MSRB3: variants seen among roughly 807,000 people sequenced by gnomAD.
MSRB3 encodes the protein methionine sulfoxide reductase B3.
MSRB3 carries 13 observed loss-of-function variants against 21.0 expected under a neutral mutation model. That is an observed-to-expected ratio of 0.62 (90% CI 0.40 to 0.98). The LOEUF (loss-of-function observed/expected upper bound fraction) is 0.98. MSRB3 is among the 50% of genes least tolerant of loss of function. The pLI is 0.00. For missense variants in MSRB3, 199 were observed against 230.3 expected, an observed-to-expected ratio of 0.86 and a Z score of 0.88; for synonymous variants, 87 against 88.6, an observed-to-expected ratio of 0.98 and a Z score of 0.10.
At chr12:65,374,679 A>G (rs1213471392) in intron 5 of MSRB3, among the ~76,000 whole-genome samples, 1 of 152,200 alleles carries the variant, frequency 6.6e-6, no homozygotes, top group Non-Finnish European at 1.5e-5. Flanking sequence ...AGCGTTTTCA[A>G]TAAGGAGTGA....
At chr12:65,462,533 A>G (rs1019638506) in intron 6 of MSRB3, among the ~76,000 whole-genome samples, 1 of 152,200 alleles carries the variant, frequency 6.6e-6, no homozygotes, top group African/African-American at 2.4e-5. Flanking sequence ...CCAGCATGAC[A>G]CTACTTGTTG....
At position 65,304,026 on chromosome 12, in the gene MSRB3, T is replaced by C. The variant is rs544473254; in HGVS notation, c.-51-4503T>C. ...GCTGAGTGTAGAACTTTAGATACTT[T>C]AGATGCTTTGTTTAGGAATTTGGGC... is the stretch of plus-strand genomic sequence containing the variant. On this transcript the variant is annotated intron_variant, in intron 1 of 6. Transcript: ENST00000308259. Among the ~76,000 whole-genome samples, 8 of 152,240 alleles carry C rather than the reference T, an allele frequency of 5.3e-5. 1 individual carries two copies. In the East Asian group the frequency reaches 1.2e-3, roughly 22 times the overall value.
At chr12:65,362,460 G>A (rs942292432) in intron 4 of MSRB3, among the ~76,000 whole-genome samples, 1 of 152,088 alleles carries the variant, frequency 6.6e-6, no homozygotes, top group African/African-American at 2.4e-5. Context: ...TAGTCCAATC[G>A]TGATTCATCC....
At chr12:65,313,575 T>C (rs547086381) in intron 2 of MSRB3, among the ~76,000 whole-genome samples, 10 of 152,242 alleles carry the variant, frequency 6.6e-5, no homozygotes, top group African/African-American at 2.4e-4. Flanking sequence ...GGGGGTTCTT[T>C]GACCACATAT....
chr12:65,422,388 GTATATATATATATATATATATA>G (rs59746471), intron 5 of MSRB3, among the ~76,000 whole-genome samples: 2 of 92,492 alleles, frequency 2.2e-5, no homozygotes, highest in African/African-American at 4.5e-5. Context: ...GGAGTACATA[GTATATATATATATATATATATA>G]TATATATATA....
At chr12:65,287,459 CAG>C (rs1872434379) in intron 1 of MSRB3, among the ~76,000 whole-genome samples, 1 of 152,100 alleles carries the variant, frequency 6.6e-6, no homozygotes, top group Non-Finnish European at 1.5e-5. Context: ...GTTTGATTGT[CAG>C]AGAACCTGAG....
chr12:65,307,533 G>A (rs1873729720), intron 1 of MSRB3, among the ~76,000 whole-genome samples: 1 of 151,922 alleles, frequency 6.6e-6, no homozygotes, highest in South Asian at 2.1e-4. Context: ...GACATTTAAT[G>A]GTTAAAGTCA....
At chr12:65,279,165 G>C (rs1195370073) in intron 1 of MSRB3, 5 of 1,006,576 alleles carry the variant, frequency 5.0e-6, no homozygotes, top group Non-Finnish European at 6.5e-6. Flanking sequence ...GAACCCGCGG[G>C]AGCCTCTCGC....
At chr12:65,303,932 T>C (rs1357708292) in intron 1 of MSRB3, among the ~76,000 whole-genome samples, 3 of 152,130 alleles carry the variant, frequency 2.0e-5, no homozygotes, top group Non-Finnish European at 4.4e-5. Flanking sequence ...CATGTTAGTA[T>C]GGCAGGAGTG....
chr12:65,329,787 C>T (rs1875293288), intron 4 of MSRB3, among the ~76,000 whole-genome samples: 1 of 152,012 alleles, frequency 6.6e-6, no homozygotes, highest in Non-Finnish European at 1.5e-5. Context: ...TTTAAAAAAC[C>T]AGCATTTACT....
At chr12:65,420,636 TC>T (rs1881242771) in intron 5 of MSRB3, among the ~76,000 whole-genome samples, 1 of 152,108 alleles carries the variant, frequency 6.6e-6, no homozygotes, top group Admixed American at 6.6e-5. Context: ...CCTGCCCTGC[TC>T]CCTCAAGTAG....
At chr12:65,352,927 C>G (rs1246201707) in intron 4 of MSRB3, among the ~76,000 whole-genome samples, 1 of 151,784 alleles carries the variant, frequency 6.6e-6, no homozygotes, top group African/African-American at 2.4e-5. Context: ...CCCCATAAAG[C>G]TACCAATGAC....
At chr12:65,454,026 G>A in intron 6 of MSRB3, 1 of 673,562 alleles carries the variant, frequency 1.5e-6, no homozygotes. Flanking sequence ...GCTCAAGCCT[G>A]TAATCCCATA....
intron 3 of MSRB3, among the ~76,000 whole-genome samples, chr12:65,328,252 T>G (rs1323478178): frequency 2.0e-5 from 3 of 152,168 alleles, no homozygotes; most frequent in Non-Finnish European, 4.4e-5. Context: ...CAGGCTTTTT[T>G]TTTTAATAGA....
intron 5 of MSRB3, among the ~76,000 whole-genome samples, chr12:65,418,150 G>C (rs1031741029): frequency 6.6e-6 from 1 of 152,130 alleles, no homozygotes; most frequent in Non-Finnish European, 1.5e-5. Flanking sequence ...TGTCACCCAG[G>C]CTGGAGTGCA....
chr12:65,446,802 C>G (rs1035321598), intron 5 of MSRB3, among the ~76,000 whole-genome samples: 1 of 152,082 alleles, frequency 6.6e-6, no homozygotes, highest in Non-Finnish European at 1.5e-5. Flanking sequence ...AAAATATGTA[C>G]AAGAGTTGTT....
At chr12:65,344,118 G>A (rs947580917) in intron 4 of MSRB3, 2 of 152,128 alleles carry the variant, frequency 1.3e-5, no homozygotes, top group Non-Finnish European at 2.9e-5. Context: ...CACTGTAAAT[G>A]TGAAGCATTG....
At chr12:65,408,326 C>T (rs1010942843) in intron 5 of MSRB3, among the ~76,000 whole-genome samples, 5 of 152,112 alleles carry the variant, frequency 3.3e-5, no homozygotes, top group African/African-American at 1.2e-4. Context: ...AACTCCTGAC[C>T]TCGTGATCCA....
intron 1 of MSRB3, among the ~76,000 whole-genome samples, chr12:65,292,193 G>A (rs112197934): frequency 9.1e-4 from 139 of 152,224 alleles, no homozygotes; most frequent in African/African-American, 3.1e-3. Context: ...ACTTCAGAGC[G>A]TTTGATACAC....
Sources: allele counts gnomAD v4.1 joint callset (sites outside exome capture counted in the v4.1 genomes callset), GRCh38; gene constraint gnomAD v4.1.1; transcripts MANE v1.5; gene names NCBI Gene and HGNC (gene_info 2026-07-23, HGNC 2026-07-21).